Variants in ARID4B observed in about 807,000 individuals in gnomAD.
ARID4B encodes the protein AT-rich interaction domain 4B, also known as AT-rich interactive domain-containing protein 4B.
A neutral mutation model predicts 147.5 loss-of-function variants in ARID4B; 26 were observed. That is an observed-to-expected ratio of 0.18 (90% CI 0.13 to 0.24). The LOEUF (loss-of-function observed/expected upper bound fraction) is 0.24, where lower values mean the gene tolerates loss of function less well. ARID4B is among the 10% of genes least tolerant of loss of function. ARID4B has a pLI of 1.00. For synonymous variants in ARID4B, 512 were observed against 507.9 expected (o/e 1.01, Z -0.11); for missense variants, 1,179 against 1,511.5 (o/e 0.78, Z 3.65).
At chr1:235,274,816 T>C (rs897365022) in intron 2 of ARID4B, among the ~76,000 whole-genome samples, 5 of 152,204 alleles carry the variant, frequency 3.3e-5, no homozygotes, top group Non-Finnish European at 5.9e-5. Context: ...TGATTCTCAG[T>C]TTCTCCACTT....
At chr1:235,217,343 TGA>T (rs1240047431) in intron 16 of ARID4B, among the ~76,000 whole-genome samples, 2 of 152,102 alleles carry the variant, frequency 1.3e-5, no homozygotes, top group Admixed American at 6.6e-5. Flanking sequence ...AGAGAGCCTC[TGA>T]AAGTATAAAA....
At chr1:235,255,265 A>AGATCGATC (rs1239708915) in intron 5 of ARID4B, among the ~76,000 whole-genome samples, 117 of 64,580 alleles carry the variant, frequency 1.8e-3, no homozygotes, top group African/African-American at 5.3e-3. Context: ...ATAGATAGAT[A>AGATCGATC]TATATCTCTC....
At chr1:235,257,926 G>A (rs185336606) in intron 3 of ARID4B, among the ~76,000 whole-genome samples, 166 of 152,294 alleles carry the variant, frequency 1.1e-3, no homozygotes, top group Admixed American at 3.3e-3. Context: ...ATAATAAACA[G>A]TAGCAGCAAA....
At position 235,181,788 on chromosome 1, in the gene ARID4B, G is replaced by A. The variant is rs746609203; in HGVS notation, c.3131C>T (p.Ser1044Phe). 1 of 1,614,190 alleles carries A rather than the reference G, an allele frequency of 6.2e-7. No individual in the cohort carries two copies. The highest frequency in any genetic ancestry group is 8.5e-7 in the Non-Finnish European group (1 of 1,180,028). ...AGCCAGTGGTTCTGATACTGTTACA[G>A]AAGACTGCTGCCGGCTGCCTTCTGT... ...TVTEGSRQQS[S>F]VTVSEPLAPN... Residue 1044 changes from serine (S) to phenylalanine (F), a missense_variant, in exon 20 of 24, where the codon TCT becomes TTT. This residue lies in a region of ARID4B where 357 missense variants were observed against 427.3 expected (regional missense o/e 0.84). Coordinates refer to ENST00000264183, the MANE Select transcript of ARID4B (RefSeq NM_016374.6).
chr1:235,301,263 T>C (rs1297456425), intron 2 of ARID4B, among the ~76,000 whole-genome samples: 2 of 151,580 alleles, frequency 1.3e-5, no homozygotes, highest in Non-Finnish European at 2.9e-5. Flanking sequence ...TAGTGCCCAG[T>C]GTGGTGGCTC....
intron 3 of ARID4B, among the ~76,000 whole-genome samples, chr1:235,259,814 C>G (rs1369961902): frequency 6.6e-6 from 1 of 152,294 alleles, no homozygotes; most frequent in Middle Eastern, 3.4e-3. Context: ...ATACCCTCCA[C>G]AGAAGCACAA....
intron 2 of ARID4B, among the ~76,000 whole-genome samples, chr1:235,276,764 G>A (rs868250369): frequency 2.0e-5 from 3 of 152,050 alleles, no homozygotes; most frequent in African/African-American, 4.8e-5. Flanking sequence ...TTGGGAGGCC[G>A]AAGCAGGGGG....
At chr1:235,240,712 T>C (rs2103072134) in intron 7 of ARID4B, among the ~76,000 whole-genome samples, 1 of 152,234 alleles carries the variant, frequency 6.6e-6, no homozygotes, top group Non-Finnish European at 1.5e-5. Flanking sequence ...TCAGGACAAA[T>C]AACTGGTTCC....
chr1:235,306,588 T>C (rs963756267), intron 2 of ARID4B, among the ~76,000 whole-genome samples: 2 of 152,198 alleles, frequency 1.3e-5, no homozygotes, highest in Non-Finnish European at 2.9e-5. Context: ...TAATATATCA[T>C]GTCAAAGCAT....
chr1:235,175,144 G>A (rs1663769857), intron 22 of ARID4B, 40 bp downstream of exon 22: 1 of 1,529,526 alleles, frequency 6.5e-7, no homozygotes, highest in Non-Finnish European at 9.0e-7. Flanking sequence ...GAGTTACTAG[G>A]ATGAAGTTTG....
At chr1:235,246,260 C>T (rs1219315000) in intron 7 of ARID4B, among the ~76,000 whole-genome samples, 160 bp downstream of exon 7, 2 of 152,158 alleles carry the variant, frequency 1.3e-5, no homozygotes, top group African/African-American at 4.8e-5. Flanking sequence ...CATGGAGAAC[C>T]TCAATCACCC....
intron 2 of ARID4B, among the ~76,000 whole-genome samples, chr1:235,305,220 G>C (rs572750038): frequency 4.6e-5 from 7 of 152,134 alleles, no homozygotes; most frequent in Non-Finnish European, 1.0e-4. Flanking sequence ...GGAGAGACCA[G>C]AGGCAAAGGA....
At chr1:235,277,545 A>AT (rs1265459838) in intron 2 of ARID4B, among the ~76,000 whole-genome samples, 3 of 146,084 alleles carry the variant, frequency 2.1e-5, no homozygotes, top group African/African-American at 8.0e-5. Flanking sequence ...TCAAAAAAAA[A>AT]AAAAAATAAT....
At chr1:235,207,644 C>T (rs1004688573) in intron 17 of ARID4B, among the ~76,000 whole-genome samples, 1 of 152,108 alleles carries the variant, frequency 6.6e-6, no homozygotes, top group African/African-American at 2.4e-5. Context: ...ATAAGGACCA[C>T]TTCTTGGTAT....
intron 12 of ARID4B, among the ~76,000 whole-genome samples, chr1:235,224,473 A>T (rs1174673407): frequency 6.6e-6 from 1 of 152,180 alleles, no homozygotes; most frequent in Non-Finnish European, 1.5e-5. Context: ...ACAGGGTAAT[A>T]AGTGCATTTA....
At chr1:235,268,396 TAAAC>T (rs1670756059) in intron 2 of ARID4B, among the ~76,000 whole-genome samples, 1 of 150,544 alleles carries the variant, frequency 6.6e-6, no homozygotes. Flanking sequence ...CACAGAAAAA[TAAAC>T]AAGTACTTCT....
chr1:235,296,520 A>G (rs907691367), intron 2 of ARID4B, among the ~76,000 whole-genome samples: 1 of 151,900 alleles, frequency 6.6e-6, no homozygotes, highest in Non-Finnish European at 1.5e-5. Flanking sequence ...CACCCAGGCT[A>G]GGGTGCAGTG....
chr1:235,219,853 G>A lies in ARID4B; in HGVS notation c.1523C>T (p.Thr508Ile). ...ENLDDKDDDTTRVDESLNIKV... is the reference protein window; with the variant it reads ...ENLDDKDDDTIRVDESLNIKV... The stretch of plus-strand genomic sequence containing the variant: ...TATGTTGAGGGATTCATCTACCCTA[G>A]TTGTGTCATCATCTTTGTCATCCAG... The change falls in exon 16 of 24, where the codon ACT (threonine) becomes ATT (isoleucine). Residue 508 changes from threonine to isoleucine, a missense_variant. Transcript: ENST00000264183. The A allele has an allele frequency of 6.2e-7, 1 of 1,608,918 alleles. No homozygotes were observed. The highest frequency in any genetic ancestry group is 8.5e-7 in the Non-Finnish European group (1 of 1,178,482).
intron 16 of ARID4B, among the ~76,000 whole-genome samples, chr1:235,215,545 A>ATGTGTGTGTG (rs1324619607): frequency 2.2e-4 from 24 of 108,954 alleles, no homozygotes; most frequent in Admixed American, 9.2e-4. Context: ...GCACACATAT[A>ATGTGTGTGTG]TATGTGTGTG....
Sources: allele counts gnomAD v4.1 joint callset (sites outside exome capture counted in the v4.1 genomes callset), GRCh38; gene constraint gnomAD v4.1.1; regional missense constraint gnomAD v4.1.1; transcripts MANE v1.5; gene names NCBI Gene and HGNC (gene_info 2026-07-23, HGNC 2026-07-21).